Variants in GNAQ observed in about 807,000 individuals in gnomAD.
GNAQ encodes the protein guanine nucleotide-binding protein G(q) subunit alpha.
In GNAQ, 8 loss-of-function variants were observed where a neutral mutation model predicts 43.9. The observed-to-expected ratio is 0.18, with a 90% CI of 0.11 to 0.33. GNAQ has a LOEUF of 0.33. GNAQ is among the 10% of genes least tolerant of loss of function. The pLI is 1.00. For missense variants in GNAQ, 158 were observed against 450.8 expected (o/e 0.35, Z 5.88); for synonymous variants, 155 against 170.7 (o/e 0.91, Z 0.71).
intron 1 of GNAQ, among the ~76,000 whole-genome samples, chr9:77,981,304 C>CA (rs1347759799): frequency 2.6e-5 from 4 of 151,950 alleles, no homozygotes; most frequent in African/African-American, 9.7e-5. Flanking sequence ...TTTTAATCAT[C>CA]AAAAAAAGAG....
intron 2 of GNAQ, among the ~76,000 whole-genome samples, chr9:77,880,700 A>T (rs1368580113): frequency 6.6e-6 from 1 of 152,138 alleles, no homozygotes; most frequent in Non-Finnish European, 1.5e-5. Flanking sequence ...TGTGAAAAAC[A>T]ATTTGCCTTC....
chr9:77,826,655 C>T (rs776255154), intron 2 of GNAQ, among the ~76,000 whole-genome samples: 1 of 152,198 alleles, frequency 6.6e-6, no homozygotes, highest in Non-Finnish European at 1.5e-5. Flanking sequence ...TTGAATCAAA[C>T]CATGTTCCCA....
chr9:77,814,947 T>C (rs1427268503), intron 3 of GNAQ, among the ~76,000 whole-genome samples: 1 of 152,234 alleles, frequency 6.6e-6, no homozygotes, highest in Non-Finnish European at 1.5e-5. Flanking sequence ...CTTTACTTCC[T>C]TTCTGTTAGG....
At chr9:78,023,951 C>A (rs1322560572) in intron 1 of GNAQ, among the ~76,000 whole-genome samples, 2 of 151,618 alleles carry the variant, frequency 1.3e-5, no homozygotes, top group Non-Finnish European at 2.9e-5. Flanking sequence ...TGTGTATATA[C>A]ACACACACAC....
chr9:77,861,864 G>A (rs1048036725), intron 2 of GNAQ, among the ~76,000 whole-genome samples: 12 of 152,184 alleles, frequency 7.9e-5, no homozygotes, highest in African/African-American at 2.9e-4. Context: ...GCCGGGCGTG[G>A]TGGCATGGCA....
chr9:77,907,593 G>C (rs1828731153), intron 2 of GNAQ, among the ~76,000 whole-genome samples: 1 of 152,176 alleles, frequency 6.6e-6, no homozygotes, highest in South Asian at 2.1e-4. Context: ...TATTTAAGTC[G>C]ATGTGAAGTG....
At chr9:77,934,900 G>C (rs1389004120) in intron 1 of GNAQ, among the ~76,000 whole-genome samples, 4 of 152,200 alleles carry the variant, frequency 2.6e-5, no homozygotes, top group Non-Finnish European at 5.9e-5. Context: ...GCTGAGGTGG[G>C]TGGATCATGA....
At chr9:77,994,184 C>CT (rs2118531698) in intron 1 of GNAQ, among the ~76,000 whole-genome samples, 1 of 152,038 alleles carries the variant, frequency 6.6e-6, no homozygotes, top group East Asian at 1.9e-4. Context: ...GCCCAGCTAA[C>CT]TTTTTTTGCC....
chr9:77,848,978 T>C (rs1564129409), intron 2 of GNAQ, among the ~76,000 whole-genome samples: 1 of 152,182 alleles, frequency 6.6e-6, no homozygotes, highest in Non-Finnish European at 1.5e-5. Flanking sequence ...CATTGAGAAG[T>C]GTCTCAGAGT....
chr9:77,821,942 T>C (rs983288697), intron 2 of GNAQ, among the ~76,000 whole-genome samples: 3 of 152,264 alleles, frequency 2.0e-5, no homozygotes, highest in African/African-American at 2.4e-5. Flanking sequence ...GGAACATTAA[T>C]TAATGGAAAA....
At chr9:77,873,935 G>C (rs562925458) in intron 2 of GNAQ, among the ~76,000 whole-genome samples, 1 of 151,840 alleles carries the variant, frequency 6.6e-6, no homozygotes, top group African/African-American at 2.4e-5. Context: ...GAGAAATCCT[G>C]TCTCTACTAG....
intron 2 of GNAQ, among the ~76,000 whole-genome samples, chr9:77,913,440 A>G (rs1828841682): frequency 1.3e-5 from 2 of 152,184 alleles, no homozygotes; most frequent in Non-Finnish European, 2.9e-5. Context: ...TGAGTTCCTC[A>G]GTTACACTAG....
At chr9:77,838,181 T>C (rs1485895472) in intron 2 of GNAQ, among the ~76,000 whole-genome samples, 2 of 147,826 alleles carry the variant, frequency 1.4e-5, no homozygotes, top group Non-Finnish European at 3.0e-5. Flanking sequence ...CTCACTCTTG[T>C]TGCCCAAGCT....
intron 5 of GNAQ, among the ~76,000 whole-genome samples, chr9:77,777,998 TA>T (rs1316874153): frequency 6.6e-6 from 1 of 152,000 alleles, no homozygotes; most frequent in African/African-American, 2.4e-5. Flanking sequence ...ACCATTTGAA[TA>T]ATTTGAATTG....
At chr9:77,762,266 G>T (rs1337611619) in intron 5 of GNAQ, among the ~76,000 whole-genome samples, 1 of 141,600 alleles carries the variant, frequency 7.1e-6, no homozygotes. Flanking sequence ...TCAGCCCCCC[G>T]CCTGGCCAGC....
At chr9:77,859,124 G>A (rs532749061) in intron 2 of GNAQ, among the ~76,000 whole-genome samples, 1 of 152,248 alleles carries the variant, frequency 6.6e-6, no homozygotes, top group East Asian at 1.9e-4. Context: ...GCCTGTGGGA[G>A]TACCAATACC....
chr9:77,948,456 T>C (rs1438818684), intron 1 of GNAQ, among the ~76,000 whole-genome samples: 1 of 151,828 alleles, frequency 6.6e-6, no homozygotes, highest in East Asian at 1.9e-4. Context: ...ACGGGACTAC[T>C]CAGAAAGCGG....
intron 1 of GNAQ, among the ~76,000 whole-genome samples, chr9:78,015,600 A>T (rs1823829075): frequency 6.6e-6 from 1 of 152,198 alleles, no homozygotes; most frequent in Non-Finnish European, 1.5e-5. Context: ...CATTTTATGT[A>T]CCCATAAAAC....
chr9:77,967,804 A>T (rs1019835738), intron 1 of GNAQ, among the ~76,000 whole-genome samples: 3 of 151,996 alleles, frequency 2.0e-5, no homozygotes, highest in African/African-American at 7.3e-5. Context: ...ACATGGTGAA[A>T]CCTCATGTCT....
Sources: gnomAD v4.1 joint callset for allele counts (sites outside exome capture counted in the v4.1 genomes callset) on GRCh38, gnomAD v4.1.1 for gene constraint, MANE v1.5 for transcripts, NCBI Gene and HGNC (gene_info 2026-07-23, HGNC 2026-07-21) for gene names.